ULK4: variants seen among roughly 807,000 people sequenced by gnomAD.
ULK4 encodes inactive serine/threonine-protein kinase ULK4.
A neutral mutation model predicts 160.6 loss-of-function variants in ULK4; 133 were observed. The ratio of observed to expected loss-of-function variants is 0.83; its 90% CI spans 0.72 to 0.96. The LOEUF is 0.96. Among genes scored for constraint, ULK4 ranks in the 40% least tolerant of loss-of-function variants. The pLI, the probability that ULK4 is intolerant of heterozygous loss-of-function variation, is 0.00. For missense variants in ULK4, 1,580 were observed against 1,499.5 expected (o/e 1.05, Z -0.89); for synonymous variants, 534 against 539.8 (o/e 0.99, Z 0.15).
At chr3:41,620,059 C>T (rs2125689142) in intron 30 of ULK4, among the ~76,000 whole-genome samples, 1 of 152,166 alleles carries the variant, frequency 6.6e-6, no homozygotes. Context: ...CAAGACTAAA[C>T]CATGAAGAAC....
chr3:41,517,200 A>G (rs539259763), intron 32 of ULK4, among the ~76,000 whole-genome samples: 1 of 144,916 alleles, frequency 6.9e-6, no homozygotes, highest in South Asian at 2.3e-4. Flanking sequence ...AATGACTAAA[A>G]TCCAACACAC....
chr3:41,678,280 TACA>T (rs535664638), intron 29 of ULK4, among the ~76,000 whole-genome samples: 12 of 151,684 alleles, frequency 7.9e-5, no homozygotes, highest in Non-Finnish European at 1.8e-4. Context: ...TATTTATTCT[TACA>T]ACTGAGCCTT....
At chr3:41,840,295 G>A (rs2041871550) in intron 17 of ULK4, among the ~76,000 whole-genome samples, 1 of 152,186 alleles carries the variant, frequency 6.6e-6, no homozygotes, top group Non-Finnish European at 1.5e-5. Flanking sequence ...GAGTTAGCCA[G>A]GCATGGTGGT....
At chr3:41,547,881 AG>A (rs1479289022) in intron 32 of ULK4, among the ~76,000 whole-genome samples, 1 of 152,148 alleles carries the variant, frequency 6.6e-6, no homozygotes, top group African/African-American at 2.4e-5. Flanking sequence ...TGAGCCAGGG[AG>A]GCTGCTCTTG....
intron 32 of ULK4, among the ~76,000 whole-genome samples, chr3:41,487,665 C>G (rs527518869): frequency 6.6e-6 from 1 of 152,150 alleles, no homozygotes; most frequent in Admixed American, 6.5e-5. Flanking sequence ...CTCTACACTT[C>G]ATATCATTCA....
chr3:41,760,351 T>A (rs548870012), intron 21 of ULK4, among the ~76,000 whole-genome samples: 1 of 152,182 alleles, frequency 6.6e-6, no homozygotes, highest in African/African-American at 2.4e-5. Context: ...GAAAACAGTT[T>A]GGCAGTTTCA....
At chr3:41,456,694 C>G (rs533762700) in intron 33 of ULK4, among the ~76,000 whole-genome samples, 9 of 152,274 alleles carry the variant, frequency 5.9e-5, no homozygotes, top group East Asian at 5.8e-4. Flanking sequence ...TATGTAGACG[C>G]CCTTCCTCTC....
At chr3:41,598,640 C>T (rs2031852565) in intron 31 of ULK4, among the ~76,000 whole-genome samples, 1 of 151,982 alleles carries the variant, frequency 6.6e-6, no homozygotes, top group Admixed American at 6.6e-5. Flanking sequence ...ATTTTTACGG[C>T]CCAGAGAATA....
chr3:41,897,076 A>T, intron 14 of ULK4, 73 bp from the exon 15 acceptor site: 9 of 1,363,600 alleles, frequency 6.6e-6, no homozygotes, highest in Non-Finnish European at 9.0e-6. Flanking sequence ...CATAAGAAAT[A>T]AACACAGAAT....
At chr3:41,640,162 T>C (rs1315206276) in intron 30 of ULK4, among the ~76,000 whole-genome samples, 1 of 152,196 alleles carries the variant, frequency 6.6e-6, no homozygotes, top group Non-Finnish European at 1.5e-5. Flanking sequence ...CCCATTTCTA[T>C]TGGCATACAG....
rs1472917212 is a variant in ULK4, at chr3:41,774,549, C to T, written c.2193+15112G>A. ...TACCATCTCACACCAGTTAGAATGG[C>T]GATCATTAAAAAGTCAGGAAACAAC... On this transcript the variant is annotated intron_variant, in intron 21 of 36. Coordinates refer to ENST00000301831, the MANE Select transcript of ULK4 (RefSeq NM_017886.4). 4.6e-3 allele frequency among the ~76,000 whole-genome samples: 686 copies of T among 147,856 alleles called. 31 individuals carry two copies. The highest frequency in any genetic ancestry group is 0.015 in the African/African-American group (584 of 37,868).
intron 32 of ULK4, among the ~76,000 whole-genome samples, chr3:41,472,401 T>C (rs1456970829): frequency 6.6e-6 from 1 of 151,850 alleles, no homozygotes; most frequent in Non-Finnish European, 1.5e-5. Flanking sequence ...AAACCCCATC[T>C]CTAATAAAAA....
In ULK4 at chr3:41,300,854, T is replaced by C. The variant is rs1344666313; in HGVS notation, c.3679-51280A>G. Among the ~76,000 whole-genome samples the C allele has an allele frequency of 2.4e-3, 224 of 94,282 alleles. 2 individuals are homozygous for C. Among genetic ancestry groups the C allele is most frequent in the African/African-American group, 0.012 (215 of 17,704 alleles). The allele number at this position is 94,282 out of a possible 152,430, so 61.9% of individuals were successfully genotyped here. A position where few individuals can be genotyped will look rare whatever the true frequency, so the allele number is the denominator to read the frequency against. ...TTTACAGATTATATATATATATATA[T>C]ATATATATATATATATATATATATA... On this transcript the variant is annotated intron_variant, in intron 35 of 36. Transcript: ENST00000301831.
chr3:41,341,122 C>A (rs1441078288), intron 35 of ULK4, among the ~76,000 whole-genome samples: 1 of 152,144 alleles, frequency 6.6e-6, no homozygotes, highest in Admixed American at 6.5e-5. Flanking sequence ...ACTGGTATTC[C>A]ATCTTGATTA....
intron 20 of ULK4, among the ~76,000 whole-genome samples, chr3:41,794,479 C>T (rs528220258): frequency 1.0e-3 from 153 of 151,912 alleles, no homozygotes; most frequent in Non-Finnish European, 1.9e-3. Flanking sequence ...GCCTGACCAA[C>T]ATGGTGAAAC....
intron 27 of ULK4, among the ~76,000 whole-genome samples, chr3:41,695,591 A>G (rs1431182226): frequency 6.6e-6 from 1 of 152,154 alleles, no homozygotes; most frequent in Non-Finnish European, 1.5e-5. Flanking sequence ...ATCAGCACCA[A>G]AATAATATAG....
chr3:41,562,498 G>A (rs954314075), intron 32 of ULK4, among the ~76,000 whole-genome samples: 1 of 152,118 alleles, frequency 6.6e-6, no homozygotes, highest in Non-Finnish European at 1.5e-5. Context: ...GGGAGTCTAA[G>A]TCTGTTTGTA....
intron 29 of ULK4, among the ~76,000 whole-genome samples, chr3:41,665,824 T>C (rs1230572990): frequency 6.6e-6 from 1 of 152,228 alleles, no homozygotes. Flanking sequence ...TGAATTCTTA[T>C]GAAATAAAAG....
chr3:41,805,765 T>C (rs1484205371), intron 19 of ULK4, among the ~76,000 whole-genome samples: 6 of 149,950 alleles, frequency 4.0e-5, no homozygotes, highest in African/African-American at 1.5e-4. Flanking sequence ...TCTTTGGTTC[T>C]GTTTATATGC....
Sources: allele counts gnomAD v4.1 joint callset (sites outside exome capture counted in the v4.1 genomes callset), GRCh38; gene constraint gnomAD v4.1.1; transcripts MANE v1.5; gene names NCBI Gene and HGNC (gene_info 2026-07-23, HGNC 2026-07-21).